ZCCHC17: variants seen among roughly 807,000 people sequenced by gnomAD.
The protein encoded by ZCCHC17 is zinc finger CCHC-type containing 17, also known as zinc finger CCHC domain-containing protein 17.
Under a neutral mutation model 30.6 loss-of-function variants are expected in ZCCHC17, and 18 were observed. That is an observed-to-expected ratio of 0.59 (90% CI 0.41 to 0.87). The LOEUF is 0.87. ZCCHC17 is among the 40% of genes least tolerant of loss of function. ZCCHC17 has a pLI of 0.00. For synonymous variants in ZCCHC17, 88 were observed against 92.4 expected, an observed-to-expected ratio of 0.95 and a Z score of 0.27; for missense variants, 263 against 284.2, an observed-to-expected ratio of 0.93 and a Z score of 0.54.
chr1:31,327,751 T>A (rs1033577160), intron 3 of ZCCHC17, among the ~76,000 whole-genome samples: 5 of 152,166 alleles, frequency 3.3e-5, no homozygotes, highest in Non-Finnish European at 7.3e-5. Flanking sequence ...AATTTTGATA[T>A]GCCAGAGAGA....
rs550994589 is a variant in ZCCHC17, at chr1:31,340,756, G to A, written c.317+1708G>A. 4.6e-5 allele frequency among the ~76,000 whole-genome samples: 7 copies of A among 152,250 alleles called. No homozygotes were observed. In the South Asian group the frequency reaches 1.2e-3, roughly 27 times the overall value. The stretch of plus-strand genomic sequence containing the variant: ...TGTTTGTCTTATGTTAATTAGGTAC[G>A]CTCAATGACAATTATGTCATTGATG... On this transcript the variant is annotated intron_variant, in intron 5 of 7. Transcript: ENST00000344147.
At position 31,346,668 on chromosome 1, in the gene ZCCHC17, C is replaced by A. The variant is rs778909368; in HGVS notation, c.346C>A (p.Gln116Lys). The change falls in exon 6 of 8, where the codon CAG becomes AAG. Residue 116 changes from glutamine (Q) to lysine (K), a missense_variant. Transcript: ENST00000344147. Reference protein sequence around the residue: ...EQEERRRRSFQDYTGQKITLE... With the variant: ...EQEERRRRSFKDYTGQKITLE... ...AGAAGAGAGGCGGAGGCGATCCTTCCAGGATTACACTGGGCAGAAGATCAC... is the reference window on the plus strand; with the variant it reads ...AGAAGAGAGGCGGAGGCGATCCTTCAAGGATTACACTGGGCAGAAGATCAC... 1.9e-6 allele frequency: 3 copies of A among 1,613,180 alleles called. No individual in the cohort carries two copies. The highest frequency in any genetic ancestry group is 2.5e-6 in the Non-Finnish European group (3 of 1,179,514).
intron 2 of ZCCHC17, among the ~76,000 whole-genome samples, chr1:31,316,321 C>T (rs1646731492): frequency 6.6e-6 from 1 of 152,124 alleles, no homozygotes; most frequent in Admixed American, 6.6e-5. Context: ...AGGCTGGTCT[C>T]GAACTCCTGG....
chr1:31,306,981 G>A (rs1316192752), intron 1 of ZCCHC17, among the ~76,000 whole-genome samples: 5 of 152,054 alleles, frequency 3.3e-5, no homozygotes, highest in Non-Finnish European at 5.9e-5. Context: ...GGGACTACAG[G>A]TGCGCACCAC....
chr1:31,308,546 A>G (rs1158364613), intron 1 of ZCCHC17, among the ~76,000 whole-genome samples: 1 of 152,250 alleles, frequency 6.6e-6, no homozygotes, highest in African/African-American at 2.4e-5. Flanking sequence ...AAATAATTTC[A>G]GGTCTTACTG....
intron 1 of ZCCHC17, among the ~76,000 whole-genome samples, chr1:31,305,378 C>T (rs1557426617): frequency 6.6e-6 from 1 of 152,040 alleles, no homozygotes; most frequent in Non-Finnish European, 1.5e-5. Context: ...CTCTTGGGCT[C>T]AAGTGATCCT....
At chr1:31,321,070 CTT>C (rs928739202) in intron 3 of ZCCHC17, among the ~76,000 whole-genome samples, 23 of 152,092 alleles carry the variant, frequency 1.5e-4, no homozygotes, top group African/African-American at 5.3e-4. Context: ...ATTTGTATAT[CTT>C]TTTTGGGGAA....
intron 5 of ZCCHC17, among the ~76,000 whole-genome samples, chr1:31,344,749 T>C (rs1404368473): frequency 6.6e-6 from 1 of 152,224 alleles, no homozygotes; most frequent in East Asian, 1.9e-4. Flanking sequence ...AAGCTGCAAC[T>C]CACAGCCACT....
intron 3 of ZCCHC17, among the ~76,000 whole-genome samples, chr1:31,326,870 A>T (rs1193914762): frequency 1.3e-5 from 2 of 152,188 alleles, no homozygotes; most frequent in East Asian, 3.8e-4. Context: ...TTCTCTGCCC[A>T]TAAAGAGGGA....
At chr1:31,327,528 G>A (rs2148439346) in intron 3 of ZCCHC17, among the ~76,000 whole-genome samples, 1 of 152,328 alleles carries the variant, frequency 6.6e-6, no homozygotes, top group African/African-American at 2.4e-5. Context: ...TAAGCTTTAA[G>A]TTGCAGTTGC....
intron 3 of ZCCHC17, among the ~76,000 whole-genome samples, chr1:31,327,570 A>C (rs1263314429): frequency 2.0e-5 from 3 of 152,220 alleles, no homozygotes; most frequent in Non-Finnish European, 2.9e-5. Flanking sequence ...GTCTTGCCAC[A>C]TTCCATCTGG....
intron 3 of ZCCHC17, among the ~76,000 whole-genome samples, chr1:31,323,330 T>TC (rs1348326002): frequency 7.9e-5 from 12 of 151,726 alleles, no homozygotes; most frequent in Non-Finnish European, 1.8e-4. Context: ...TTTCTTTCTT[T>TC]TTTTTTTTTG....
intron 1 of ZCCHC17, among the ~76,000 whole-genome samples, chr1:31,307,561 G>A (rs1432964024): frequency 2.7e-5 from 4 of 149,342 alleles, no homozygotes; most frequent in Non-Finnish European, 5.9e-5. Context: ...CTGCCATCAC[G>A]CCTGGCTGAT....
intron 4 of ZCCHC17, 72 bp downstream of exon 4, chr1:31,337,347 A>G: frequency 7.6e-7 from 1 of 1,318,750 alleles, no homozygotes; most frequent in South Asian, 1.2e-5. Context: ...ATTTTATGAT[A>G]GTGAGTGTGT....
chr1:31,360,487 T>C (rs1169841318), intron 7 of ZCCHC17, among the ~76,000 whole-genome samples: 1 of 152,196 alleles, frequency 6.6e-6, no homozygotes, highest in Admixed American at 6.5e-5. Flanking sequence ...ACTTCGGATG[T>C]GATTGTTCTT....
intron 1 of ZCCHC17, among the ~76,000 whole-genome samples, chr1:31,302,481 G>A (rs1172549599): frequency 6.6e-6 from 1 of 152,138 alleles, no homozygotes; most frequent in Non-Finnish European, 1.5e-5. Context: ...GGATCCAGAC[G>A]TTGCTCATCC....
chr1:31,321,645 T>C (rs562455154), intron 3 of ZCCHC17, among the ~76,000 whole-genome samples: 3 of 152,292 alleles, frequency 2.0e-5, no homozygotes, highest in Non-Finnish European at 4.4e-5. Flanking sequence ...CGGCTAATTT[T>C]TAGTAGAGGC....
chr1:31,338,138 T>C (rs1638893233), intron 4 of ZCCHC17, among the ~76,000 whole-genome samples: 1 of 150,316 alleles, frequency 6.7e-6, no homozygotes. Flanking sequence ...CCTGGCCTTT[T>C]TTTTTTTTTT....
rs1364486130 is a variant in ZCCHC17 at position 31,346,933 on chromosome 1, G to C, written c.418+193G>C. ...TTTTCTGTTTTCTTTTCTGAGTGCTGGCCCTACCAGATACTATACCACTAC... is the reference window on the plus strand; with the variant it reads ...TTTTCTGTTTTCTTTTCTGAGTGCTCGCCCTACCAGATACTATACCACTAC... On this transcript the variant is annotated intron_variant, in intron 6 of 7. Transcript: ENST00000344147. 3 of 1,259,190 alleles carry C rather than the reference G, an allele frequency of 2.4e-6. No individual in the cohort carries two copies. In the African/African-American group the frequency reaches 4.5e-5, roughly 19 times the overall value. 78.0% of individuals were successfully genotyped at this position (1,259,190 alleles called of 1,614,324 possible).
Sources: allele counts gnomAD v4.1 joint callset (sites outside exome capture counted in the v4.1 genomes callset), GRCh38; gene constraint gnomAD v4.1.1; transcripts MANE v1.5; gene names NCBI Gene and HGNC (gene_info 2026-07-23, HGNC 2026-07-21).